The following LIMS1 variants were observed in gnomAD, a reference collection of about 807,000 sequenced individuals.
LIMS1 encodes LIM zinc finger domain containing 1.
LIMS1 carries 18 observed loss-of-function variants against 44.1 expected under a neutral mutation model. That is an observed-to-expected ratio of 0.41 (90% CI 0.28 to 0.61). LIMS1 has a LOEUF of 0.61. Ranked by LOEUF, LIMS1 falls within the 20% of genes least tolerant of loss-of-function variation. The pLI, the probability that LIMS1 is intolerant of heterozygous loss-of-function variation, is 0.32. For synonymous variants in LIMS1, 93 were observed against 149.1 expected, an observed-to-expected ratio of 0.62 and a Z score of 2.74; for missense variants, 201 against 422.0, an observed-to-expected ratio of 0.48 and a Z score of 4.59.
At chr2:108,662,521 T>C (rs1174867802) in intron 2 of LIMS1, 1 of 1,309,678 alleles carries the variant, frequency 7.6e-7, no homozygotes, top group African/African-American at 1.5e-5. Context: ...ATCTGTTGGG[T>C]CCTGAGGAAG....
chr2:108,595,306 T>C (rs1025505253), intron 1 of LIMS1, among the ~76,000 whole-genome samples: 1 of 152,138 alleles, frequency 6.6e-6, no homozygotes. Flanking sequence ...GAATCTTTTC[T>C]TCCAGTGCCT....
intron 1 of LIMS1, among the ~76,000 whole-genome samples, chr2:108,536,926 A>C (rs1420627870): frequency 1.3e-5 from 2 of 152,212 alleles, no homozygotes; most frequent in African/African-American, 4.8e-5. Flanking sequence ...CTTTTCTGGG[A>C]TAAATGTCCA....
intron 1 of LIMS1, among the ~76,000 whole-genome samples, chr2:108,609,125 G>A (rs578119605): frequency 2.0e-5 from 3 of 152,330 alleles, no homozygotes; most frequent in African/African-American, 7.2e-5. Context: ...GGTGGGATCG[G>A]TGATTCGAGA....
chr2:108,611,441 A>G (rs1476486266), intron 1 of LIMS1, among the ~76,000 whole-genome samples: 2 of 152,178 alleles, frequency 1.3e-5, no homozygotes, highest in Admixed American at 6.5e-5. Flanking sequence ...TAACCTATCA[A>G]TGTTTTTTTT....
At chr2:108,623,733 G>A (rs1380250840) in intron 1 of LIMS1, among the ~76,000 whole-genome samples, 1 of 152,192 alleles carries the variant, frequency 6.6e-6, no homozygotes, top group Non-Finnish European at 1.5e-5. Flanking sequence ...CTCAAGTATT[G>A]CATAAGACCC....
intron 1 of LIMS1, among the ~76,000 whole-genome samples, chr2:108,554,431 T>A (rs545300903): frequency 1.3e-5 from 2 of 152,186 alleles, no homozygotes; most frequent in Admixed American, 6.5e-5. Context: ...ATTGGGGTAG[T>A]GCTACTGAAG....
In LIMS1 at chr2:108,675,870, A is replaced by T; in HGVS notation, c.531-8A>T. On this transcript the variant is annotated splice_polypyrimidine_tract_variant and splice_region_variant and intron_variant, in intron 5 of 9. Transcript: ENST00000544547. The stretch of plus-strand genomic sequence containing the variant: ...TAGTATTAAGCTGTGTGTCTTTCTC[A>T]CGGACAGGAAGGAGCTGACTGCCGA... The T allele has an allele frequency of 1.9e-6, 3 of 1,613,932 alleles. No homozygotes were observed. Among genetic ancestry groups the T allele is most frequent in the Non-Finnish European group, 2.5e-6 (3 of 1,179,854 alleles).
chr2:108,657,692 C>T (rs1481731877), intron 1 of LIMS1, among the ~76,000 whole-genome samples: 1 of 152,310 alleles, frequency 6.6e-6, no homozygotes, highest in Non-Finnish European at 1.5e-5. Flanking sequence ...GAGGCTTGGG[C>T]CAGGTTTACT....
chr2:108,652,472 A>T (rs1690564684), intron 1 of LIMS1, among the ~76,000 whole-genome samples: 1 of 152,274 alleles, frequency 6.6e-6, no homozygotes, highest in African/African-American at 2.4e-5. Flanking sequence ...AACATTCTTT[A>T]AATAACAGAA....
intron 1 of LIMS1, among the ~76,000 whole-genome samples, chr2:108,597,315 T>G (rs928335988): frequency 6.6e-6 from 1 of 152,164 alleles, no homozygotes; most frequent in African/African-American, 2.4e-5. Context: ...ATAGAAAGTT[T>G]TTGTATAACT....
chr2:108,637,099 A>ATGTG (rs74315160), intron 1 of LIMS1, among the ~76,000 whole-genome samples: 15,812 of 98,010 alleles, frequency 0.16, 933 homozygotes, highest in Middle Eastern at 0.2. Context: ...ATATACATAT[A>ATGTG]TGTGTGTGTG....
At chr2:108,624,783 T>C (rs1458959882) in intron 1 of LIMS1, among the ~76,000 whole-genome samples, 1 of 147,046 alleles carries the variant, frequency 6.8e-6, no homozygotes, top group Non-Finnish European at 1.5e-5. Context: ...TAAATAACAA[T>C]ATAGGGGCTG....
At position 108,681,449 on chromosome 2, in the gene LIMS1, A is replaced by AG; in HGVS notation, c.899+682dup. The AG allele has an allele frequency of 7.2e-6, 7 of 974,532 alleles. No homozygotes were observed. The South Asian group carries it at 2.9e-4, about 40-fold the overall frequency. The allele number at this position is 974,532 out of a possible 1,614,324, so 60.4% of individuals were successfully genotyped here. A position where few individuals can be genotyped will look rare whatever the true frequency, so the allele number is the denominator to read the frequency against. On this transcript the variant is annotated intron_variant, in intron 9 of 9. Transcript: ENST00000544547. ...TTTCTTTTTTTTTTAATGGATTTAA[A>AG]GGGAAGAATTCTAATCTCTTAATAG...
At position 108,665,816 on chromosome 2, in the gene LIMS1, G is replaced by A. The variant is rs189110145; in HGVS notation, c.193-4965G>A. The stretch of plus-strand genomic sequence containing the variant: ...TGAGATTACAGGCATGAGCCACTGC[G>A]CCCAGCCAACAGCTTTCCTTTTAGG... On this transcript the variant is annotated intron_variant, in intron 2 of 9. Coordinates refer to ENST00000544547, the Ensembl canonical transcript of LIMS1. 2.3e-3 allele frequency among the ~76,000 whole-genome samples: 352 copies of A among 152,140 alleles called. 1 individual carries two copies. The highest frequency in any genetic ancestry group is 7.8e-3 in the African/African-American group (325 of 41,470).
intron 2 of LIMS1, among the ~76,000 whole-genome samples, chr2:108,669,677 C>G (rs934115595): frequency 4.0e-5 from 6 of 151,630 alleles, no homozygotes; most frequent in Non-Finnish European, 1.5e-5. Flanking sequence ...TATAACATTT[C>G]TCACAAGTTA....
Position 108,677,907 on chromosome 2 carries a change from C to A in LIMS1, c.775-72C>A, listed in dbSNP as rs1304349591. 7 of 1,524,278 alleles carry A rather than the reference C, an allele frequency of 4.6e-6. No individual in the cohort carries two copies. In the African/African-American group the frequency reaches 5.6e-5, roughly 12 times the overall value. The allele number at this position is 1,524,278 out of a possible 1,614,324, so 94.4% of individuals were successfully genotyped here. A position where few individuals can be genotyped will look rare whatever the true frequency, so the allele number is the denominator to read the frequency against. On this transcript the variant is annotated intron_variant, in intron 7 of 9. Coordinates refer to ENST00000544547, the Ensembl canonical transcript of LIMS1. ...ATAAATCCTCAATTTAGATAGCCAG[C>A]TATTTTTAAATGTTCAGTGTTCTAA... is the stretch of plus-strand genomic sequence containing the variant.
chr2:108,669,323 G>T (rs753679785), intron 2 of LIMS1, among the ~76,000 whole-genome samples: 2 of 151,936 alleles, frequency 1.3e-5, no homozygotes, highest in Non-Finnish European at 2.9e-5. Context: ...CAGGAGAATC[G>T]CCTGAACCCA....
At chr2:108,657,289 T>C (rs1438678008) in intron 1 of LIMS1, among the ~76,000 whole-genome samples, 6 of 151,206 alleles carry the variant, frequency 4.0e-5, no homozygotes, top group Non-Finnish European at 7.4e-5. Context: ...TCCAGGACAT[T>C]CTAGAATATT....
At chr2:108,577,850 CTCTCCTCT>C (rs566407001) in intron 1 of LIMS1, among the ~76,000 whole-genome samples, 18 of 152,312 alleles carry the variant, frequency 1.2e-4, no homozygotes, top group Non-Finnish European at 2.2e-4. Flanking sequence ...CCCATCTGTT[CTCTCCTCT>C]TACCGTGTGA....
Sources: gnomAD v4.1 joint callset for allele counts (sites outside exome capture counted in the v4.1 genomes callset) on GRCh38, gnomAD v4.1.1 for gene constraint, MANE v1.5 for transcripts, NCBI Gene and HGNC (gene_info 2026-07-23, HGNC 2026-07-21) for gene names.